The following GAN variants were observed in gnomAD, a reference collection of about 807,000 sequenced individuals.
GAN encodes gigaxonin.
A neutral mutation model predicts 71.3 loss-of-function variants in GAN; 48 were observed. That is an observed-to-expected ratio of 0.67 (90% confidence interval 0.53 to 0.86). The LOEUF is 0.86. Ranked by LOEUF, GAN falls within the 40% of genes least tolerant of loss-of-function variation. The pLI is 0.00. For missense variants in GAN, 928 were observed against 770.1 expected (o/e 1.21, Z -2.43); for synonymous variants, 386 against 276.8 (o/e 1.39, Z -3.92).
chr16:81,327,862 G>A (rs1272480471), intron 1 of GAN, among the ~76,000 whole-genome samples: 2 of 152,210 alleles, frequency 1.3e-5, no homozygotes, highest in African/African-American at 4.8e-5. Context: ...TATAGAAAGA[G>A]CCTTTTAATA....
chr16:81,371,683 G>T (rs1009035250), intron 9 of GAN, among the ~76,000 whole-genome samples: 2 of 152,120 alleles, frequency 1.3e-5, no homozygotes, highest in Non-Finnish European at 2.9e-5. Context: ...GATCCTGGTT[G>T]CCCCAAGACC....
intron 1 of GAN, among the ~76,000 whole-genome samples, chr16:81,345,739 T>C (rs1278857320): frequency 6.6e-6 from 1 of 152,134 alleles, no homozygotes; most frequent in Non-Finnish European, 1.5e-5. Context: ...GAGCTTAAAG[T>C]ATAATAATAA....
intron 9 of GAN, 152 bp from the exon 10 acceptor site, chr16:81,377,067 T>C: frequency 1.3e-6 from 1 of 746,862 alleles, no homozygotes. Context: ...ACTGGCAGCA[T>C]GTCGGTGGTT....
intron 1 of GAN, among the ~76,000 whole-genome samples, chr16:81,329,177 CTCTTT>C: frequency 6.6e-6 from 1 of 152,218 alleles, no homozygotes; most frequent in East Asian, 1.9e-4. Flanking sequence ...TTGTTCTCTT[CTCTTT>C]TTTTTTCCTT....
chr16:81,359,314 C>G (rs763481824), intron 5 of GAN, among the ~76,000 whole-genome samples: 10 of 151,928 alleles, frequency 6.6e-5, no homozygotes, highest in Non-Finnish European at 8.8e-5. Flanking sequence ...TTTCAGAAAC[C>G]CAGCAATGGA....
At position 81,387,049 on chromosome 16, in the gene GAN, C is replaced by G. The variant is rs1904423082; in HGVS notation, c.*9453C>G. 1 of 152,174 alleles carries G rather than the reference C, an allele frequency of 6.6e-6. No homozygotes were observed. The highest frequency in any genetic ancestry group is 2.4e-5 in the African/African-American group (1 of 41,432). The allele number at this position is 152,174 out of a possible 1,614,324, so 9.4% of individuals were successfully genotyped here. A position where few individuals can be genotyped will look rare whatever the true frequency, so the allele number is the denominator to read the frequency against. On this transcript the variant is annotated 3_prime_UTR_variant, in exon 11 of 11. Transcript: ENST00000648994. ...AGTGTTGGCAAGAACGGATCTTTGGCAAGATCACTTAAGGTGAGCTACTCT... is the reference window on the plus strand; with the variant it reads ...AGTGTTGGCAAGAACGGATCTTTGGGAAGATCACTTAAGGTGAGCTACTCT...
intron 1 of GAN, among the ~76,000 whole-genome samples, chr16:81,329,016 A>C (rs1000212052): frequency 1.3e-5 from 2 of 152,134 alleles, no homozygotes; most frequent in African/African-American, 4.8e-5. Context: ...CTGGGCGTAA[A>C]ATCTTTTAAC....
intron 1 of GAN, among the ~76,000 whole-genome samples, chr16:81,348,218 T>TA (rs1220449283): frequency 6.6e-6 from 1 of 152,138 alleles, no homozygotes; most frequent in African/African-American, 2.4e-5. Flanking sequence ...ACCCTACATT[T>TA]AAAAAAATTT....
Position 81,315,287 on chromosome 16 carries a change from A to G in GAN, c.167+7A>G, listed in dbSNP as rs1168249370. The G allele has an allele frequency of 5.0e-6, 7 of 1,412,966 alleles. No homozygotes were observed. In the Admixed American group the frequency reaches 6.2e-5, roughly 12 times the overall value. 87.5% of individuals were successfully genotyped at this position (1,412,966 alleles called of 1,614,324 possible). A position where few individuals can be genotyped will look rare whatever the true frequency, so the allele number is the denominator to read the frequency against. On this transcript the variant is annotated splice_region_variant and intron_variant, in intron 1 of 10. Coordinates refer to ENST00000648994, the MANE Select transcript of GAN (RefSeq NM_022041.4). ...CGGCCAGCCCGTACATCAGGTGGGG[A>G]GGGGGCTACGGCGGGCGGGCGCGGC...
At chr16:81,358,012 C>A in intron 5 of GAN, 81 bp downstream of exon 5, 1 of 1,182,670 alleles carries the variant, frequency 8.5e-7, no homozygotes, top group Non-Finnish European at 1.3e-6. Flanking sequence ...GACTCAGAGC[C>A]TTTTAAAGAT....
At position 81,388,180 on chromosome 16, in the gene GAN, C is replaced by T. The variant is rs951817297; in HGVS notation, c.*10584C>T. ...ACTCTTCTTGGGATAGCTTTCCCAC[C>T]CTGCCCTCTGCTCCTCTGTCCCAAC... On this transcript the variant is annotated 3_prime_UTR_variant, in exon 11 of 11. Transcript: ENST00000648994. 5 of 152,232 alleles carry T rather than the reference C, an allele frequency of 3.3e-5. No individual in the cohort carries two copies. Among genetic ancestry groups the T allele is most frequent in the African/African-American group, 1.2e-4 (5 of 41,436 alleles). 9.4% of individuals were successfully genotyped at this position (152,232 alleles called of 1,614,324 possible).
chr16:81,351,129 C>T (rs1910286428), intron 1 of GAN, among the ~76,000 whole-genome samples: 1 of 152,196 alleles, frequency 6.6e-6, no homozygotes, highest in Admixed American at 6.5e-5. Context: ...ATGGTTACTT[C>T]AGATGGTGGA....
At position 81,379,474 on chromosome 16, in the gene GAN, A is replaced by C. The variant is rs1051690679; in HGVS notation, c.*1878A>C. ...TTCAATCATGTTTAATATGTCAGTC[A>C]AAACCAAATTCAGAATTGTTTTGTG... On this transcript the variant is annotated 3_prime_UTR_variant, in exon 11 of 11. Transcript: ENST00000648994. 2.6e-5 allele frequency: 4 copies of C among 152,232 alleles called. No individual in the cohort carries two copies. The highest frequency in any genetic ancestry group is 9.6e-5 in the African/African-American group (4 of 41,456). The allele number at this position is 152,232 out of a possible 1,614,324, so 9.4% of individuals were successfully genotyped here.
Position 81,329,148 on chromosome 16 carries a change from A to G in GAN, c.167+13868A>G, listed in dbSNP as rs938049512. ...TGACTGTCTCATCTCCTGTTCCCCC[A>G]CCCTTTTTCTCCTGTTGTTTGTTCT... On this transcript the variant is annotated intron_variant, in intron 1 of 10. Transcript: ENST00000648994. Among the ~76,000 whole-genome samples, 3 of 151,104 alleles carry G rather than the reference A, an allele frequency of 2.0e-5. No individual in the cohort carries two copies. In the East Asian group the frequency reaches 5.8e-4, roughly 29 times the overall value.
At chr16:81,366,991 A>C (rs1009730848) in intron 9 of GAN, among the ~76,000 whole-genome samples, 2 of 151,820 alleles carry the variant, frequency 1.3e-5, no homozygotes, top group Non-Finnish European at 2.9e-5. Flanking sequence ...TGCCTGGCTA[A>C]TTTTTGTATT....
chr16:81,318,261 A>C (rs28560203), intron 1 of GAN, among the ~76,000 whole-genome samples: 1 of 152,134 alleles, frequency 6.6e-6, no homozygotes, highest in African/African-American at 2.4e-5. Flanking sequence ...TGAATGTTCA[A>C]AAGTTTGGTA....
Position 81,380,028 on chromosome 16 carries a change from A to G in GAN, c.*2432A>G, listed in dbSNP as rs1330387420. 6.6e-6 allele frequency: 1 copy of G among 152,628 alleles called. No homozygotes were observed. The allele number at this position is 152,628 out of a possible 1,614,324, so 9.5% of individuals were successfully genotyped here. On this transcript the variant is annotated 3_prime_UTR_variant, in exon 11 of 11. Coordinates refer to ENST00000648994, the MANE Select transcript of GAN (RefSeq NM_022041.4). ...GATGCAATAACCAACAAAGCTGCTA[A>G]GTGCCAAACTGTTATTTTACTATAT...
At chr16:81,363,729 A>G in intron 6 of GAN, 65 bp from the exon 7 acceptor site, 6 of 1,486,412 alleles carry the variant, frequency 4.0e-6, no homozygotes, top group Admixed American at 1.7e-5. Flanking sequence ...TATTAAGTGT[A>G]TGAATATCAG....
chr16:81,326,102 C>T (rs758484120), intron 1 of GAN, among the ~76,000 whole-genome samples: 1 of 152,194 alleles, frequency 6.6e-6, no homozygotes, highest in Non-Finnish European at 1.5e-5. Flanking sequence ...GCAAGGAGTG[C>T]ATCATCGCCT....
Sources: gnomAD v4.1 joint callset for allele counts (sites outside exome capture counted in the v4.1 genomes callset) on GRCh38, gnomAD v4.1.1 for gene constraint, MANE v1.5 for transcripts, NCBI Gene and HGNC (gene_info 2026-07-23, HGNC 2026-07-21) for gene names.